RIMS1: variants seen among roughly 807,000 people sequenced by gnomAD.
The protein encoded by RIMS1 is regulating synaptic membrane exocytosis protein 1.
A neutral mutation model predicts 214.1 loss-of-function variants in RIMS1; 83 were observed. That is an observed-to-expected ratio of 0.39 (90% CI 0.32 to 0.47). RIMS1 has a LOEUF of 0.47. Among genes scored for constraint, RIMS1 ranks in the 20% least tolerant of loss-of-function variants. The probability of loss-of-function intolerance (pLI) is 0.99; values close to 1 mark genes in which losing one functional copy is unlikely to be tolerated. For missense variants in RIMS1, 2,050 were observed against 2,161.8 expected, an observed-to-expected ratio of 0.95 and a Z score of 1.03; for synonymous variants, 793 against 786.8, an observed-to-expected ratio of 1.01 and a Z score of -0.13.
chr6:72,047,905 T>C (rs1290901368), intron 2 of RIMS1, among the ~76,000 whole-genome samples: 2 of 152,218 alleles, frequency 1.3e-5, no homozygotes, highest in Non-Finnish European at 2.9e-5. Context: ...CTTTATTTGC[T>C]TTCTACTTCT....
At chr6:72,363,636 T>G (rs2097898108) in intron 29 of RIMS1, among the ~76,000 whole-genome samples, 1 of 152,212 alleles carries the variant, frequency 6.6e-6, no homozygotes, top group African/African-American at 2.4e-5. Context: ...AAAATATTAT[T>G]TATTAAGCAC....
At chr6:72,250,295 T>G (rs2072600561) in intron 12 of RIMS1, 35 bp from the exon 13 acceptor site, 1 of 1,577,896 alleles carries the variant, frequency 6.3e-7, no homozygotes. Context: ...TGCCTCATGA[T>G]TTTTACAAAT....
intron 4 of RIMS1, among the ~76,000 whole-genome samples, chr6:72,124,583 G>C (rs529620324): frequency 2.0e-5 from 3 of 151,922 alleles, no homozygotes; most frequent in Non-Finnish European, 2.9e-5. Context: ...TTCCAACTTG[G>C]TTCCATTCTC....
intron 2 of RIMS1, among the ~76,000 whole-genome samples, chr6:72,041,113 C>T (rs1267806565): frequency 1.3e-5 from 2 of 151,926 alleles, no homozygotes; most frequent in Admixed American, 6.6e-5. Flanking sequence ...TAGGAATACA[C>T]ATTAAGTAGC....
intron 6 of RIMS1, among the ~76,000 whole-genome samples, chr6:72,232,620 G>A (rs1455073126): frequency 6.6e-6 from 1 of 151,570 alleles, no homozygotes; most frequent in African/African-American, 2.4e-5. Context: ...CCCCTGCATA[G>A]AATATACTAC....
intron 2 of RIMS1, among the ~76,000 whole-genome samples, chr6:72,024,926 G>A (rs1037566397): frequency 3.8e-5 from 2 of 52,118 alleles, no homozygotes; most frequent in African/African-American, 1.0e-4. Context: ...TTTTTTTTGA[G>A]GCAGAGTCTC....
chr6:72,391,812 A>G lies in RIMS1; in HGVS notation c.4506-886A>G, dbSNP rs189973270. On this transcript the variant is annotated intron_variant, in intron 30 of 33. Coordinates refer to ENST00000521978, the MANE Select transcript of RIMS1 (RefSeq NM_014989.7). ...ACAAAATACCCATATTTGATGAAGT[A>G]GCATAAAGTAATATACAAATGAGAC... is the stretch of plus-strand genomic sequence containing the variant. Among the ~76,000 whole-genome samples, 114 of 152,354 alleles carry G rather than the reference A, an allele frequency of 7.5e-4. 1 individual carries two copies. The highest frequency in any genetic ancestry group is 2.5e-3 in the African/African-American group (105 of 41,580).
intron 26 of RIMS1, among the ~76,000 whole-genome samples, chr6:72,303,578 T>G (rs1253168898): frequency 1.3e-5 from 2 of 151,426 alleles, no homozygotes; most frequent in Non-Finnish European, 3.0e-5. Flanking sequence ...AGACAAGAAA[T>G]TATTTCACAG....
intron 6 of RIMS1, among the ~76,000 whole-genome samples, chr6:72,215,862 T>C (rs1177783696): frequency 6.6e-6 from 1 of 152,226 alleles, no homozygotes; most frequent in Non-Finnish European, 1.5e-5. Context: ...AGATGATCCA[T>C]GGCTCAGTTT....
intron 4 of RIMS1, among the ~76,000 whole-genome samples, chr6:72,162,149 C>A (rs1318294817): frequency 1.4e-5 from 2 of 140,848 alleles, no homozygotes; most frequent in African/African-American, 4.9e-5. Flanking sequence ...TAATGGCCTT[C>A]TTTGTCTCTT....
At chr6:71,987,752 C>G (rs1307182407) in intron 2 of RIMS1, among the ~76,000 whole-genome samples, 1 of 152,026 alleles carries the variant, frequency 6.6e-6, no homozygotes, top group Non-Finnish European at 1.5e-5. Context: ...ACTTATTAGT[C>G]AAGGGTTTGA....
Position 72,290,301 on chromosome 6 carries a change from A to G in RIMS1, c.3555-378A>G, listed in dbSNP as rs144651347. On this transcript the variant is annotated intron_variant, in intron 24 of 33. Transcript: ENST00000521978. ...TGTATTCATCATCCTAATTACAGTC[A>G]CTCATTCAAGCAACATACCTTTATT... Among the ~76,000 whole-genome samples the G allele has an allele frequency of 2.5e-3, 375 of 152,206 alleles. 2 individuals are homozygous for G. Among genetic ancestry groups the G allele is most frequent in the African/African-American group, 8.7e-3 (362 of 41,526 alleles).
intron 2 of RIMS1, among the ~76,000 whole-genome samples, chr6:72,024,719 A>T (rs890128561): frequency 2.6e-5 from 4 of 152,078 alleles, no homozygotes; most frequent in Non-Finnish European, 5.9e-5. Flanking sequence ...TAACAAGCAA[A>T]TATTGGGCAC....
chr6:72,040,549 C>T (rs1821156446), intron 2 of RIMS1, among the ~76,000 whole-genome samples: 1 of 151,908 alleles, frequency 6.6e-6, no homozygotes, highest in African/African-American at 2.4e-5. Context: ...ATTTGGGGGA[C>T]ATAGGTAACA....
At chr6:72,074,261 G>A (rs1831263091) in intron 2 of RIMS1, among the ~76,000 whole-genome samples, 2 of 152,270 alleles carry the variant, frequency 1.3e-5, no homozygotes, top group East Asian at 3.9e-4. Context: ...AATGGATTGT[G>A]TTACATAGCT....
chr6:72,369,822 C>T (rs9442774), intron 29 of RIMS1, among the ~76,000 whole-genome samples: 5 of 152,206 alleles, frequency 3.3e-5, no homozygotes, highest in African/African-American at 4.8e-5. Flanking sequence ...GATTGCTAGG[C>T]GAAAGCAGCC....
At chr6:72,281,602 TCTC>T (rs1180934144) in intron 23 of RIMS1, among the ~76,000 whole-genome samples, 1 of 152,094 alleles carries the variant, frequency 6.6e-6, no homozygotes, top group African/African-American at 2.4e-5. Flanking sequence ...TTCTCTGCCT[TCTC>T]CTGCAAAATT....
chr6:71,941,368 A>G (rs953404730), intron 1 of RIMS1, among the ~76,000 whole-genome samples: 2 of 152,246 alleles, frequency 1.3e-5, no homozygotes, highest in African/African-American at 4.8e-5. Flanking sequence ...AAAAGTGGCA[A>G]TCATAATTGG....
chr6:72,095,781 T>C (rs1274411078), intron 2 of RIMS1, among the ~76,000 whole-genome samples: 1 of 152,236 alleles, frequency 6.6e-6, no homozygotes, highest in African/African-American at 2.4e-5. Flanking sequence ...TTATCTTAGA[T>C]TGAGAACATC....
Sources: gnomAD v4.1 joint callset for allele counts (sites outside exome capture counted in the v4.1 genomes callset) on GRCh38, gnomAD v4.1.1 for gene constraint, MANE v1.5 for transcripts, NCBI Gene and HGNC (gene_info 2026-07-23, HGNC 2026-07-21) for gene names.